ZNF292: variants seen among roughly 807,000 people sequenced by gnomAD.
ZNF292 encodes 16 zinc-finger domain protein.
ZNF292 carries 26 observed loss-of-function variants against 217.9 expected under a neutral mutation model. The observed-to-expected ratio is 0.12, with a 90% CI of 0.09 to 0.17. ZNF292 has a LOEUF of 0.17. Among genes scored for constraint, ZNF292 ranks in the 10% least tolerant of loss-of-function variants. The pLI, the probability that ZNF292 is intolerant of heterozygous loss-of-function variation, is 1.00. For synonymous variants in ZNF292, 1,257 were observed against 1,124.1 expected (o/e 1.12, Z -2.37); for missense variants, 2,904 against 3,175.2 (o/e 0.91, Z 2.05).
intron 4 of ZNF292, among the ~76,000 whole-genome samples, chr6:87,232,040 T>C (rs1773682316): frequency 6.6e-6 from 1 of 152,176 alleles, no homozygotes; most frequent in Non-Finnish European, 1.5e-5. Context: ...CATAAAGACA[T>C]GTAGTCAGAG....
chr6:87,178,811 T>A (rs1230624213), intron 1 of ZNF292, among the ~76,000 whole-genome samples: 1 of 152,170 alleles, frequency 6.6e-6, no homozygotes, highest in South Asian at 2.1e-4. Context: ...GGTGTGATTG[T>A]TGAAGTTTGC....
At chr6:87,183,780 C>T (rs1771544755) in intron 1 of ZNF292, among the ~76,000 whole-genome samples, 1 of 152,122 alleles carries the variant, frequency 6.6e-6, no homozygotes, top group Admixed American at 6.5e-5. Flanking sequence ...AGAAATAGGT[C>T]ACAAAGTGAA....
intron 1 of ZNF292, among the ~76,000 whole-genome samples, chr6:87,194,497 C>T (rs1159604445): frequency 6.6e-6 from 1 of 151,970 alleles, no homozygotes; most frequent in Non-Finnish European, 1.5e-5. Context: ...CAGAAGTAGG[C>T]AAAATCAGGA....
Position 87,262,515 on chromosome 6 carries a change from T to G in ZNF292, c.*714T>G, listed in dbSNP as rs1487100314. The G allele has an allele frequency of 6.6e-6, 1 of 151,978 alleles. No individual in the cohort carries two copies. The highest frequency in any genetic ancestry group is 1.5e-5 in the Non-Finnish European group (1 of 67,888). 9.4% of individuals were successfully genotyped at this position (151,978 alleles called of 1,614,324 possible). A position where few individuals can be genotyped will look rare whatever the true frequency, so the allele number is the denominator to read the frequency against. On this transcript the variant is annotated 3_prime_UTR_variant, in exon 8 of 8. Coordinates refer to ENST00000369577, the MANE Select transcript of ZNF292 (RefSeq NM_015021.3). The stretch of plus-strand genomic sequence containing the variant: ...AGCAGTTTCCTATAGCTACAGTTTT[T>G]TTTTTTCATTGCTTCTAATTGGATA...
intron 5 of ZNF292, among the ~76,000 whole-genome samples, chr6:87,239,477 C>T (rs192760841): frequency 0.1 from 13,404 of 132,864 alleles, 618 homozygotes; most frequent in East Asian, 0.14. Context: ...GGCGGCTGGC[C>T]GGGCGGGGGC....
chr6:87,218,665 A>C lies in ZNF292; in HGVS notation c.472A>C (p.Thr158Pro). Reference protein sequence around the residue: ...LHFLATLAQETGVWKNPVLCT... With the variant: ...LHFLATLAQEPGVWKNPVLCT... ...TTTTTTAGCTACTCTAGCTCAAGAG[A>C]CTGGGGTGTGGAAAAACCCGGTACT... The change falls in exon 4 of 8, where the codon ACT becomes CCT. Residue 158 changes from threonine (T) to proline (P), a missense_variant. By Grantham distance (38) the Thr-to-Pro change is conservative (BLOSUM62 -1). Coordinates refer to ENST00000369577, the MANE Select transcript of ZNF292 (RefSeq NM_015021.3). The C allele has an allele frequency of 6.3e-7, 1 of 1,592,828 alleles. No homozygotes were observed. Among genetic ancestry groups the C allele is most frequent in the Non-Finnish European group, 8.6e-7 (1 of 1,169,462 alleles).
chr6:87,259,272 A>G lies in ZNF292; in HGVS notation c.5643A>G (p.Thr1881=). 3 of 1,613,674 alleles carry G rather than the reference A, an allele frequency of 1.9e-6. No homozygotes were observed. Among genetic ancestry groups the G allele is most frequent in the East Asian group, 2.2e-5 (1 of 44,864 alleles). The change falls in exon 8 of 8, where the codon ACA becomes ACG. Residue 1881 remains threonine (T), a synonymous_variant. Coordinates refer to ENST00000369577, the MANE Select transcript of ZNF292 (RefSeq NM_015021.3). The part of the protein sequence containing the change: ...PTPVKSTADI[T]VIQPVSEMIN... ...CTGTTAAATCAACTGCAGATATCAC[A>G]GTTATTCAGCCAGTTTCTGAAATGA...
intron 1 of ZNF292, among the ~76,000 whole-genome samples, chr6:87,201,063 A>G (rs6927748): frequency 0.54 from 81,356 of 151,952 alleles, 22,214 homozygotes; most frequent in Admixed American, 0.62. Flanking sequence ...ACAATTTGGG[A>G]GAGAGATGAT....
At chr6:87,231,310 C>T (rs1216118628) in intron 4 of ZNF292, among the ~76,000 whole-genome samples, 1 of 151,980 alleles carries the variant, frequency 6.6e-6, no homozygotes, top group African/African-American at 2.4e-5. Flanking sequence ...GAGAAGTAGA[C>T]CCAGTAGTCA....
In ZNF292 at chr6:87,258,884, T is replaced by A. The variant is rs774222720; in HGVS notation, c.5255T>A (p.Ile1752Lys). Reference protein sequence around the residue: ...SDLQISEDNVIQNFEKTLEII... With the variant: ...SDLQISEDNVKQNFEKTLEII... ...TTGCAGATTTCTGAAGACAATGTTA[T>A]ACAAAACTTTGAAAAGACTCTTGAA... Residue 1752 changes from isoleucine (I) to lysine (K), a missense_variant, in exon 8 of 8, where the codon ATA (isoleucine) becomes AAA (lysine). Physicochemically the swap from Ile to Lys is moderately radical, Grantham distance 102. Around this residue, in one of 15 missense-constraint regions of ZNF292, gnomAD observed 622 missense variants for 573.1 expected, o/e 1.09. Coordinates refer to ENST00000369577, the MANE Select transcript of ZNF292 (RefSeq NM_015021.3). 3.0e-5 allele frequency: 48 copies of A among 1,607,180 alleles called. No individual in the cohort carries two copies. The highest frequency in any genetic ancestry group is 4.0e-5 in the Non-Finnish European group (47 of 1,176,142).
At chr6:87,170,183 A>G (rs1391731585) in intron 1 of ZNF292, 1 of 152,252 alleles carries the variant, frequency 6.6e-6, no homozygotes, top group Non-Finnish European at 1.5e-5. Context: ...TTAGGAGACT[A>G]AAACATAAAA....
rs1313343640 is a variant in ZNF292, at chr6:87,264,835, A to C, written c.*3034A>C. On this transcript the variant is annotated 3_prime_UTR_variant, in exon 8 of 8. Coordinates refer to ENST00000369577, the MANE Select transcript of ZNF292 (RefSeq NM_015021.3). Reference sequence around the variant, plus strand: ...AATTTAATCAGTATCAGTTTTAGAAAGATAATTGTCATGGTATAGTGGATA... The same window carrying C: ...AATTTAATCAGTATCAGTTTTAGAACGATAATTGTCATGGTATAGTGGATA... Among the ~76,000 whole-genome samples, 1 of 152,202 alleles carries C rather than the reference A, an allele frequency of 6.6e-6. No individual in the cohort carries two copies. Among genetic ancestry groups the C allele is most frequent in the East Asian group, 1.9e-4 (1 of 5,198 alleles).
chr6:87,224,405 G>A (rs142245799), intron 4 of ZNF292, among the ~76,000 whole-genome samples: 3 of 148,972 alleles, frequency 2.0e-5, no homozygotes, highest in Admixed American at 6.7e-5. Context: ...AAATAGTGTC[G>A]TGTGTCCACC....
At chr6:87,178,080 T>C (rs1465159924) in intron 1 of ZNF292, among the ~76,000 whole-genome samples, 1 of 152,232 alleles carries the variant, frequency 6.6e-6, no homozygotes, top group Non-Finnish European at 1.5e-5. Flanking sequence ...CCACATCTCT[T>C]TGCTTTAGTC....
rs1775380354 is a variant in ZNF292 at position 87,258,650 on chromosome 6, T to C, written c.5021T>C (p.Ile1674Thr). Residue 1674 changes from isoleucine to threonine, a missense_variant, in exon 8 of 8, where the codon ATT becomes ACT. This residue lies in a region of ZNF292 where 622 missense variants were observed against 573.1 expected (regional missense o/e 1.09). Transcript: ENST00000369577. ...ACTACTAACCTTCATTCAAATGTAA[T>C]TCCAACTTGTGAACCTCAGAGTTTG... ...IPTTNLHSNV[I>T]PTCEPQSLVE... 6.2e-7 allele frequency: 1 copy of C among 1,613,596 alleles called. No individual in the cohort carries two copies. Among genetic ancestry groups the C allele is most frequent in the Non-Finnish European group, 8.5e-7 (1 of 1,179,728 alleles).
At position 87,216,366 on chromosome 6, in the gene ZNF292, A is replaced by G. The variant is rs752762113; in HGVS notation, c.391A>G (p.Thr131Ala). The G allele has an allele frequency of 8.9e-6, 14 of 1,579,628 alleles. No individual in the cohort carries two copies. Among genetic ancestry groups the G allele is most frequent in the Middle Eastern group, 1.7e-4 (1 of 5,998 alleles). Reference protein sequence around the residue: ...LSDKQWEQFQTLVQVAHEKLM... With the variant: ...LSDKQWEQFQALVQVAHEKLM... ...AGATAAACAGTGGGAACAATTTCAG[A>G]CACTGGTGCAGGTGAGAATCTTTAT... Residue 131 changes from threonine (T) to alanine (A), a missense_variant, in exon 3 of 8, where the codon ACA becomes GCA. Transcript: ENST00000369577.
At chr6:87,181,208 G>A (rs1043289885) in intron 1 of ZNF292, among the ~76,000 whole-genome samples, 9 of 152,110 alleles carry the variant, frequency 5.9e-5, no homozygotes, top group Non-Finnish European at 1.2e-4. Flanking sequence ...CTAGCGTCCC[G>A]GATCACACGC....
intron 1 of ZNF292, among the ~76,000 whole-genome samples, chr6:87,204,554 ATTTTT>A (rs68087857): frequency 7.9e-5 from 5 of 63,638 alleles, no homozygotes; most frequent in Admixed American, 4.6e-4. Context: ...AACATTTAGG[ATTTTT>A]TTTTTTTTTT....
chr6:87,159,701 C>T (rs1156651628), intron 1 of ZNF292, among the ~76,000 whole-genome samples: 4 of 151,846 alleles, frequency 2.6e-5, no homozygotes, highest in Non-Finnish European at 4.4e-5. Flanking sequence ...AGGGTTTCTC[C>T]TTGTTGGTCA....
Sources: gnomAD v4.1 joint callset for allele counts (sites outside exome capture counted in the v4.1 genomes callset) on GRCh38, gnomAD v4.1.1 for gene constraint, gnomAD v4.1.1 regional missense constraint, MANE v1.5 for transcripts, NCBI Gene and HGNC (gene_info 2026-07-23, HGNC 2026-07-21) for gene names.